Variants in AK5 observed in about 807,000 individuals in gnomAD.
AK5 encodes adenylate kinase isoenzyme 5.
AK5 carries 27 observed loss-of-function variants against 69.5 expected under a neutral mutation model. The ratio of observed to expected loss-of-function variants is 0.39; its 90% CI spans 0.29 to 0.54. AK5 has a LOEUF of 0.54. AK5 is among the 20% of genes least tolerant of loss of function. The probability of loss-of-function intolerance (pLI) is 0.71; values close to 1 mark genes in which losing one functional copy is unlikely to be tolerated. For missense variants in AK5, 531 were observed against 700.4 expected, an observed-to-expected ratio of 0.76 and a Z score of 2.73; for synonymous variants, 260 against 244.4, an observed-to-expected ratio of 1.06 and a Z score of -0.60.
rs1661559777 is a variant in AK5, at chr1:77,339,858, G to A, written c.700-519G>A. ...GCTGGTATTGAACTTCTGACCTCAT[G>A]ATTCTCCCGCCTCAGCCTCCCAAAG... On this transcript the variant is annotated intron_variant, in intron 5 of 13. Transcript: ENST00000354567. Among the ~76,000 whole-genome samples the A allele has an allele frequency of 1.3e-5, 2 of 151,968 alleles. 1 individual carries two copies. Among genetic ancestry groups the A allele is most frequent in the South Asian group, 4.2e-4 (2 of 4,810 alleles).
intron 8 of AK5, among the ~76,000 whole-genome samples, chr1:77,418,976 C>T (rs1038385487): frequency 1.3e-5 from 2 of 151,818 alleles, no homozygotes; most frequent in Admixed American, 6.6e-5. Flanking sequence ...AACGTTGTGC[C>T]GAGTTTCTTA....
intron 7 of AK5, among the ~76,000 whole-genome samples, chr1:77,416,361 C>G (rs1650426871): frequency 6.6e-6 from 1 of 152,160 alleles, no homozygotes; most frequent in Non-Finnish European, 1.5e-5. Flanking sequence ...GACAGCATGA[C>G]TAGCATCACC....
intron 5 of AK5, among the ~76,000 whole-genome samples, chr1:77,339,605 A>G (rs1661541517): frequency 6.6e-6 from 1 of 152,002 alleles, no homozygotes; most frequent in Non-Finnish European, 1.5e-5. Flanking sequence ...AAATGGAGAT[A>G]ACATTTACCT....
chr1:77,497,806 T>C (rs1415732866), intron 10 of AK5, among the ~76,000 whole-genome samples: 1 of 152,162 alleles, frequency 6.6e-6, no homozygotes, highest in Non-Finnish European at 1.5e-5. Flanking sequence ...GGTTTTGAAC[T>C]CTTGGGCTCA....
At chr1:77,438,762 A>G (rs1012997143) in intron 8 of AK5, among the ~76,000 whole-genome samples, 1 of 152,236 alleles carries the variant, frequency 6.6e-6, no homozygotes, top group African/African-American at 2.4e-5. Context: ...TGAATTCACC[A>G]GAAGAGACAT....
rs763334369 is a variant in AK5 at position 77,411,031 on chromosome 1, A to G, written c.942A>G (p.Ala314=). 14 of 1,613,908 alleles carry G rather than the reference A, an allele frequency of 8.7e-6. No individual in the cohort carries two copies. The South Asian group carries it at 1.3e-4, about 15-fold the overall frequency. The change falls in exon 7 of 14, where the codon GCA becomes GCG. Residue 314 remains alanine (A), a synonymous_variant. Transcript: ENST00000354567. ...EDEVFYDISM[A]VDNKLFPNKE... ...AGGTGTTCTATGACATCAGCATGGC[A>G]GTTGACAACAAGTTATTTCCAAACA...
intron 8 of AK5, among the ~76,000 whole-genome samples, chr1:77,420,003 A>C (rs1429666754): frequency 1.3e-5 from 2 of 152,200 alleles, no homozygotes; most frequent in Non-Finnish European, 2.9e-5. Context: ...TTAGGCACTT[A>C]GAATATAATT....
At chr1:77,330,870 TC>T (rs1159801248) in intron 5 of AK5, among the ~76,000 whole-genome samples, 1 of 152,244 alleles carries the variant, frequency 6.6e-6, no homozygotes, top group Non-Finnish European at 1.5e-5. Flanking sequence ...TTTTAAGTCT[TC>T]TTTAATGTCT....
intron 6 of AK5, among the ~76,000 whole-genome samples, chr1:77,365,279 G>A (rs890633070): frequency 1.3e-5 from 2 of 152,108 alleles, no homozygotes; most frequent in African/African-American, 4.8e-5. Context: ...CCTGTTGGAT[G>A]AATAGTTTGC....
chr1:77,551,746 C>T (rs962120261), intron 13 of AK5, among the ~76,000 whole-genome samples: 35 of 152,156 alleles, frequency 2.3e-4, no homozygotes, highest in Admixed American at 2.2e-3. Flanking sequence ...AAAGCCTAGA[C>T]TACAGAAAAT....
chr1:77,502,385 C>T (rs1656766878), intron 10 of AK5, among the ~76,000 whole-genome samples: 2 of 152,134 alleles, frequency 1.3e-5, no homozygotes, highest in Non-Finnish European at 2.9e-5. Context: ...CCTTTAAGGA[C>T]CTGCCTGGAA....
At chr1:77,399,564 C>T (rs2100545021) in intron 6 of AK5, among the ~76,000 whole-genome samples, 1 of 152,178 alleles carries the variant, frequency 6.6e-6, no homozygotes, top group East Asian at 1.9e-4. Flanking sequence ...CTAAGCTGGG[C>T]CCATGTGTGT....
chr1:77,368,554 C>CT (rs1647062754), intron 6 of AK5, among the ~76,000 whole-genome samples: 1 of 151,648 alleles, frequency 6.6e-6, no homozygotes. Flanking sequence ...AATTCATATG[C>CT]TAATGATAAG....
intron 5 of AK5, chr1:77,313,704 GT>G (rs1478225595): frequency 2.2e-6 from 1 of 451,882 alleles, no homozygotes; most frequent in Non-Finnish European, 4.5e-6. Flanking sequence ...GCAGAACTGG[GT>G]TTGTGGGTTT....
chr1:77,500,577 G>A (rs925905474), intron 10 of AK5, among the ~76,000 whole-genome samples: 3 of 152,130 alleles, frequency 2.0e-5, no homozygotes, highest in Non-Finnish European at 4.4e-5. Flanking sequence ...TCAGGAGTTC[G>A]AGATCAGCCT....
intron 10 of AK5, among the ~76,000 whole-genome samples, chr1:77,499,540 C>T (rs970322748): frequency 6.6e-6 from 1 of 152,106 alleles, no homozygotes; most frequent in Admixed American, 6.6e-5. Flanking sequence ...TGCGTATGAC[C>T]CTGTTTGGAC....
intron 8 of AK5, among the ~76,000 whole-genome samples, chr1:77,436,038 A>G (rs1260416950): frequency 4.6e-5 from 7 of 152,206 alleles, no homozygotes; most frequent in African/African-American, 1.7e-4. Context: ...ACCTTAGGAT[A>G]AAAATTTACT....
At position 77,527,889 on chromosome 1, in the gene AK5, G is replaced by A. The variant is rs138606967; in HGVS notation, c.1428+5946G>A. Among the ~76,000 whole-genome samples, 1,016 of 152,236 alleles carry A rather than the reference G, an allele frequency of 6.7e-3. 13 individuals are homozygous for A. Among genetic ancestry groups the A allele is most frequent in the African/African-American group, 0.023 (935 of 41,528 alleles). ...AGCCAGACTAACATGGCGAAACCCC[G>A]TCTCTACTAAAAATACAAAATTAGC... On this transcript the variant is annotated intron_variant, in intron 12 of 13. Transcript: ENST00000354567.
chr1:77,553,107 G>A (rs1436089093), intron 13 of AK5, among the ~76,000 whole-genome samples: 1 of 152,210 alleles, frequency 6.6e-6, no homozygotes, highest in Non-Finnish European at 1.5e-5. Context: ...TTACGAGTAT[G>A]AGAAACATAG....
Sources: gnomAD v4.1 joint callset for allele counts (sites outside exome capture counted in the v4.1 genomes callset) on GRCh38, gnomAD v4.1.1 for gene constraint, MANE v1.5 for transcripts, NCBI Gene and HGNC (gene_info 2026-07-23, HGNC 2026-07-21) for gene names.